Variants in NF1 observed in about 807,000 individuals in gnomAD.
The protein encoded by NF1 is neurofibromin.
A neutral mutation model predicts 325.7 loss-of-function variants in NF1; 122 were observed. The observed-to-expected ratio is 0.37, with a 90% confidence interval of 0.32 to 0.44. NF1 has a LOEUF of 0.44. Ranked by LOEUF, NF1 falls within the 20% of genes least tolerant of loss-of-function variation. The pLI is 1.00. For synonymous variants in NF1, 1,091 were observed against 1,186.0 expected (o/e 0.92, Z 1.65); for missense variants, 2,140 against 3,415.4 (o/e 0.63, Z 9.31).
rs377594429 is a variant in NF1, at chr17:31,229,507, G to A, written c.2850+42G>A. Reference sequence around the variant, plus strand: ...TTTTTCACCTTTCTCTATGAATAGAGTGACTTGTTTGAAATAAGCCTTTTT... The same window carrying A: ...TTTTTCACCTTTCTCTATGAATAGAATGACTTGTTTGAAATAAGCCTTTTT... On this transcript the variant is annotated intron_variant, in intron 21 of 57. Transcript: ENST00000358273. 28 of 1,584,914 alleles carry A rather than the reference G, an allele frequency of 1.8e-5. No homozygotes were observed. In the African/African-American group the frequency reaches 2.8e-4, roughly 16 times the overall value.
At chr17:31,171,040 T>C (rs2143714772) in intron 5 of NF1, among the ~76,000 whole-genome samples, 1 of 152,298 alleles carries the variant, frequency 6.6e-6, no homozygotes, top group East Asian at 1.9e-4. Flanking sequence ...ATACGTGTTT[T>C]TGTTTTCTTA....
At chr17:31,164,653 AT>A (rs968906603) in intron 4 of NF1, among the ~76,000 whole-genome samples, 1 of 152,186 alleles carries the variant, frequency 6.6e-6, no homozygotes, top group Non-Finnish European at 1.5e-5. Context: ...GAAAGACAAC[AT>A]ACATCACCAT....
intron 13 of NF1, among the ~76,000 whole-genome samples, chr17:31,215,497 A>G (rs2066805051): frequency 6.6e-6 from 1 of 152,218 alleles, no homozygotes; most frequent in African/African-American, 2.4e-5. Context: ...CATCTGATAT[A>G]TTGGGATCAT....
At chr17:31,235,393 A>G (rs1283175183) in intron 27 of NF1, among the ~76,000 whole-genome samples, 4 of 152,170 alleles carry the variant, frequency 2.6e-5, no homozygotes, top group Admixed American at 6.5e-5. Flanking sequence ...TTACCGGTTA[A>G]TCCTTGGAAT....
chr17:31,127,824 T>A (rs1321044148), intron 1 of NF1, among the ~76,000 whole-genome samples: 2 of 152,194 alleles, frequency 1.3e-5, no homozygotes, highest in Non-Finnish European at 2.9e-5. Context: ...CTTTGTTTCT[T>A]TATCTTCAAT....
intron 36 of NF1, among the ~76,000 whole-genome samples, chr17:31,279,731 T>C (rs1233616399): frequency 6.6e-6 from 1 of 152,128 alleles, no homozygotes; most frequent in Non-Finnish European, 1.5e-5. Flanking sequence ...AATAGTAAAA[T>C]CTCAGCCTCT....
At chr17:31,221,464 G>A (rs1215490921) in intron 14 of NF1, among the ~76,000 whole-genome samples, 1 of 152,098 alleles carries the variant, frequency 6.6e-6, no homozygotes, top group African/African-American at 2.4e-5. Flanking sequence ...ATCTTTTGCT[G>A]TGTGTATTAA....
chr17:31,252,811 T>A, intron 30 of NF1, 127 bp from the exon 31 acceptor site: 1 of 740,790 alleles, frequency 1.3e-6, no homozygotes, highest in Non-Finnish European at 2.3e-6. Flanking sequence ...TTCAGTTGAT[T>A]TCTAATTTTT....
intron 36 of NF1, among the ~76,000 whole-genome samples, chr17:31,273,355 T>C (rs1160059444): frequency 6.6e-6 from 1 of 152,160 alleles, no homozygotes; most frequent in East Asian, 1.9e-4. Context: ...GAGAAGTTCA[T>C]AGTTTTAAGA....
intron 1 of NF1, among the ~76,000 whole-genome samples, chr17:31,102,028 A>T (rs181207361): frequency 6.6e-6 from 1 of 152,346 alleles, no homozygotes; most frequent in Non-Finnish European, 1.5e-5. Context: ...CTGGCTAAAT[A>T]AAAAAAGTGG....
intron 1 of NF1, among the ~76,000 whole-genome samples, chr17:31,114,334 C>T (rs1225410807): frequency 2.6e-5 from 4 of 151,640 alleles, no homozygotes; most frequent in Admixed American, 6.6e-5. Flanking sequence ...GTCAGGAGAT[C>T]GAGACCATCC....
chr17:31,121,874 G>T (rs1218269036), intron 1 of NF1, among the ~76,000 whole-genome samples: 3 of 152,104 alleles, frequency 2.0e-5, no homozygotes, highest in South Asian at 2.1e-4. Context: ...TTTCTGGGAA[G>T]AATTTACTTT....
At chr17:31,126,644 G>A (rs1914909539) in intron 1 of NF1, among the ~76,000 whole-genome samples, 1 of 152,008 alleles carries the variant, frequency 6.6e-6, no homozygotes, top group South Asian at 2.1e-4. Context: ...GTTTTGCCAT[G>A]TTCCCCAGGC....
rs2070712271 is a variant in NF1 at position 31,375,031 on chromosome 17, T to A, written c.*876T>A. On this transcript the variant is annotated 3_prime_UTR_variant, in exon 58 of 58. Coordinates refer to ENST00000358273, the MANE Select transcript of NF1 (RefSeq NM_001042492.3). Reference sequence around the variant, plus strand: ...TAGTAATTATATATATATATATATTTTTTCCCCTCCCCCTCTTCTTTCCTA... The same window carrying A: ...TAGTAATTATATATATATATATATTATTTCCCCTCCCCCTCTTCTTTCCTA... 1 of 204,300 alleles carries A rather than the reference T, an allele frequency of 4.9e-6. No individual in the cohort carries two copies. Among genetic ancestry groups the A allele is most frequent in the Non-Finnish European group, 1.0e-5 (1 of 99,516 alleles). 12.7% of individuals were successfully genotyped at this position (204,300 alleles called of 1,614,324 possible).
chr17:31,341,897 A>G (rs1267265177), intron 47 of NF1, among the ~76,000 whole-genome samples: 1 of 151,036 alleles, frequency 6.6e-6, no homozygotes, highest in Non-Finnish European at 1.5e-5. Flanking sequence ...AGGAGAAAAG[A>G]GGGGAATGTT....
At position 31,336,698 on chromosome 17, in the gene NF1, C is replaced by A. The variant is rs1135402884; in HGVS notation, c.6211C>A (p.Gln2071Lys). ...CTTATCTCCAACTCCTACTTTAGAA[C>A]AACATCTTATGTGGGATGATATTGC... The part of the protein sequence containing the change: ...TCLSPTPTLE[Q>K]HLMWDDIAIL... The change falls in exon 42 of 58, where the codon CAA becomes AAA. Residue 2071 changes from glutamine (Q) to lysine (K), a missense_variant. Around this residue, in one of 10 missense-constraint regions of NF1, gnomAD observed 180 missense variants for 435.1 expected, o/e 0.41. Transcript: ENST00000358273. This position sits in a 1 kb window ranked among gnomAD's most constrained non-coding sequence, Gnocchi z 5.5. 1 of 1,613,794 alleles carries A rather than the reference C, an allele frequency of 6.2e-7. No individual in the cohort carries two copies. The highest frequency in any genetic ancestry group is 8.5e-7 in the Non-Finnish European group (1 of 1,179,972).
chr17:31,163,359 T>C lies in NF1; in HGVS notation c.462T>C (p.Phe154=), dbSNP rs750268216. The C allele has an allele frequency of 1.9e-6, 3 of 1,614,028 alleles. No individual in the cohort carries two copies. The highest frequency in any genetic ancestry group is 1.3e-5 in the African/African-American group (1 of 74,932). Residue 154 remains phenylalanine, a synonymous_variant, in exon 4 of 58, where the codon TTT becomes TTC. Transcript: ENST00000358273. ...GCTGCAACAACTTCAATGCAGTCTT[T>C]AGTCGCATTTCTACCAGGTTAGTGT... ...SLSCNNFNAV[F]SRISTRLQEL...
intron 30 of NF1, chr17:31,251,854 G>GGGT (rs2151454673): frequency 4.6e-6 from 1 of 216,274 alleles, no homozygotes; most frequent in Admixed American, 5.8e-5. Context: ...ATGGATGAAT[G>GGGT]GGTGGGTGGA....
intron 29 of NF1, among the ~76,000 whole-genome samples, chr17:31,242,911 C>T (rs2067324660): frequency 6.6e-6 from 1 of 152,144 alleles, no homozygotes; most frequent in Admixed American, 6.5e-5. Context: ...GTAGTCTGGG[C>T]TTGTTTGTAC....
Sources: gnomAD v4.1 joint callset for allele counts (sites outside exome capture counted in the v4.1 genomes callset) on GRCh38, gnomAD v4.1.1 for gene constraint, gnomAD v4.1.1 regional missense constraint, Gnocchi (gnomAD v3.1) non-coding constraint, MANE v1.5 for transcripts, NCBI Gene and HGNC (gene_info 2026-07-23, HGNC 2026-07-21) for gene names.